SBF2: variants seen among roughly 807,000 people sequenced by gnomAD.
The protein encoded by SBF2 is myotubularin-related protein 13.
Under a neutral mutation model 225.2 loss-of-function variants are expected in SBF2, and 112 were observed. That is an observed-to-expected ratio of 0.50 (90% confidence interval 0.43 to 0.58). The LOEUF (loss-of-function observed/expected upper bound fraction) is 0.58, where lower values mean the gene tolerates loss of function less well. Among genes scored for constraint, SBF2 ranks in the 20% least tolerant of loss-of-function variants. SBF2 has a pLI of 0.00. For synonymous variants in SBF2, 763 were observed against 773.3 expected (o/e 0.99, Z 0.22); for missense variants, 1,996 against 2,206.2 (o/e 0.90, Z 1.91).
intron 17 of SBF2, among the ~76,000 whole-genome samples, chr11:9,894,447 G>A (rs1453056822): frequency 6.6e-6 from 1 of 152,118 alleles, no homozygotes; most frequent in African/African-American, 2.4e-5. Context: ...AACCTGGGAG[G>A]TGGAGGTTGC....
At chr11:10,249,177 T>C (rs1340856484) in intron 1 of SBF2, among the ~76,000 whole-genome samples, 6 of 152,250 alleles carry the variant, frequency 3.9e-5, no homozygotes, top group African/African-American at 1.2e-4. Context: ...TTTCTGTAAA[T>C]TGAACATCAA....
rs1190648406 is a variant in SBF2 at position 9,943,322 on chromosome 11, A to G, written c.1860+18635T>C. ...ATATTTTTATGGCCTCATGATAGTG[A>G]AGGATTTCTTACACAAGACACAAAA... On this transcript the variant is annotated intron_variant, in intron 16 of 39. Transcript: ENST00000256190. Among the ~76,000 whole-genome samples the G allele has an allele frequency of 2.0e-5, 3 of 152,202 alleles. No individual in the cohort carries two copies. The East Asian group carries it at 5.8e-4, about 29-fold the overall frequency.
intron 2 of SBF2, among the ~76,000 whole-genome samples, chr11:10,113,424 G>GAT (rs1414042130): frequency 6.6e-6 from 1 of 152,070 alleles, no homozygotes; most frequent in Non-Finnish European, 1.5e-5. Context: ...TGTTTCATCT[G>GAT]ATATTTTTCT....
In SBF2 at chr11:9,821,342, G is replaced by T. The variant is rs1460812803; in HGVS notation, c.3794-4318C>A. On this transcript the variant is annotated intron_variant, in intron 28 of 39. Coordinates refer to ENST00000256190, the MANE Select transcript of SBF2 (RefSeq NM_030962.4). ...ATTTGCACTGAAAGAGTGAAAAGGG[G>T]GTATTAAACAAAAAATATTAAGGAC... 2.0e-5 allele frequency among the ~76,000 whole-genome samples: 3 copies of T among 151,966 alleles called. No individual in the cohort carries two copies. The East Asian group carries it at 5.8e-4, about 29-fold the overall frequency.
intron 2 of SBF2, among the ~76,000 whole-genome samples, chr11:10,051,565 T>C (rs1280449365): frequency 6.6e-6 from 1 of 152,104 alleles, no homozygotes; most frequent in Non-Finnish European, 1.5e-5. Flanking sequence ...AAAGAGGTTG[T>C]TAAGATAGTT....
At position 9,809,099 on chromosome 11, in the gene SBF2, G is replaced by C. The variant is rs973121975; in HGVS notation, c.4156-97C>G. The C allele has an allele frequency of 1.4e-5, 12 of 835,458 alleles. No individual in the cohort carries two copies. In the African/African-American group the frequency reaches 2.0e-4, roughly 14 times the overall value. 51.8% of individuals were successfully genotyped at this position (835,458 alleles called of 1,614,324 possible). On this transcript the variant is annotated intron_variant, in intron 30 of 39. Coordinates refer to ENST00000256190, the MANE Select transcript of SBF2 (RefSeq NM_030962.4). ...CAACCCTGGATAATCAAACGACTTA[G>C]GGATAAAGCGCTTGCACAAAAGAAC...
intron 2 of SBF2, among the ~76,000 whole-genome samples, chr11:10,152,910 C>T (rs182671174): frequency 2.6e-5 from 4 of 152,174 alleles, no homozygotes; most frequent in African/African-American, 4.8e-5. Flanking sequence ...CCTGAAAATC[C>T]GTAATACATT....
chr11:10,181,096 C>T (rs941483968), intron 2 of SBF2, among the ~76,000 whole-genome samples: 11 of 152,056 alleles, frequency 7.2e-5, no homozygotes, highest in African/African-American at 2.2e-4. Flanking sequence ...GTCTTTCTAA[C>T]GCCACTTAAA....
intron 6 of SBF2, among the ~76,000 whole-genome samples, chr11:10,007,313 A>G (rs749619049): frequency 1.3e-5 from 2 of 152,110 alleles, no homozygotes; most frequent in African/African-American, 2.4e-5. Context: ...CTGCATCTTC[A>G]TACCACAGAA....
At chr11:9,837,141 T>A (rs1320858060) in intron 26 of SBF2, among the ~76,000 whole-genome samples, 1 of 152,192 alleles carries the variant, frequency 6.6e-6, no homozygotes, top group Non-Finnish European at 1.5e-5. Context: ...GAAATGGTGA[T>A]AATGGGCATC....
chr11:9,935,459 A>G (rs764485299), intron 16 of SBF2, among the ~76,000 whole-genome samples: 1 of 152,226 alleles, frequency 6.6e-6, no homozygotes, highest in Non-Finnish European at 1.5e-5. Flanking sequence ...AAACTACTTT[A>G]AAGTTCATAT....
chr11:9,850,399 G>A (rs1856839840), intron 21 of SBF2, among the ~76,000 whole-genome samples, 181 bp from the exon 22 acceptor site: 1 of 152,176 alleles, frequency 6.6e-6, no homozygotes, highest in East Asian at 1.9e-4. Flanking sequence ...GAGACTACAG[G>A]CATGCACCAC....
chr11:10,011,507 C>G (rs1214690963), intron 6 of SBF2, among the ~76,000 whole-genome samples: 3 of 152,236 alleles, frequency 2.0e-5, no homozygotes, highest in Non-Finnish European at 1.5e-5. Flanking sequence ...GCGTGAGCCA[C>G]CACGCCTGGC....
intron 2 of SBF2, among the ~76,000 whole-genome samples, chr11:10,187,100 A>C (rs1437728585): frequency 6.6e-6 from 1 of 152,154 alleles, no homozygotes; most frequent in Non-Finnish European, 1.5e-5. Flanking sequence ...TGATTAATAG[A>C]ATATGGATAA....
At chr11:9,936,332 G>A (rs1041023419) in intron 16 of SBF2, among the ~76,000 whole-genome samples, 12 of 152,182 alleles carry the variant, frequency 7.9e-5, no homozygotes, top group Admixed American at 5.2e-4. Context: ...TGGAGAAATA[G>A]GAATGCTTTT....
At chr11:9,822,515 CT>C (rs1854824814) in intron 28 of SBF2, among the ~76,000 whole-genome samples, 3 of 152,304 alleles carry the variant, frequency 2.0e-5, no homozygotes, top group African/African-American at 7.2e-5. Context: ...CCGCCTCGGC[CT>C]CCCAAAGTGC....
upstream of SBF2, among the ~76,000 whole-genome samples, chr11:10,295,506 G>C (rs1229005960): frequency 6.6e-6 from 1 of 151,880 alleles, no homozygotes; most frequent in African/African-American, 2.4e-5. Flanking sequence ...GGACCTCTAT[G>C]TCAGTTGCTA....
In SBF2 at chr11:10,268,923, T is replaced by C. The variant is rs1962236635; in HGVS notation, c.55+25092A>G. ...ATGTAATCTGAAGGTCTGATCTCTC[T>C]GAACCAGCCCCTTAGCATCTTCGTC... On this transcript the variant is annotated intron_variant, in intron 1 of 39. Transcript: ENST00000256190. Among the ~76,000 whole-genome samples the C allele has an allele frequency of 2.0e-5, 3 of 152,226 alleles. No homozygotes were observed. The South Asian group carries it at 6.2e-4, about 32-fold the overall frequency.
At chr11:10,080,409 C>T (rs1382164469) in intron 2 of SBF2, among the ~76,000 whole-genome samples, 1 of 151,530 alleles carries the variant, frequency 6.6e-6, no homozygotes, top group Non-Finnish European at 1.5e-5. Flanking sequence ...AACATGGAAA[C>T]AAAAGGTTGA....
Sources: allele counts gnomAD v4.1 joint callset (sites outside exome capture counted in the v4.1 genomes callset), GRCh38; gene constraint gnomAD v4.1.1; transcripts MANE v1.5; gene names NCBI Gene and HGNC (gene_info 2026-07-23, HGNC 2026-07-21).